PLCB2: variants seen among roughly 807,000 people sequenced by gnomAD.
PLCB2 encodes phospholipase C beta 2.
Under a neutral mutation model 141.7 loss-of-function variants are expected in PLCB2, and 115 were observed. The ratio of observed to expected loss-of-function variants is 0.81; its 90% CI spans 0.70 to 0.95. The LOEUF is 0.95. Among genes scored for constraint, PLCB2 ranks in the 40% least tolerant of loss-of-function variants. The pLI, the probability that PLCB2 is intolerant of heterozygous loss-of-function variation, is 0.00. For missense variants in PLCB2, 1,403 were observed against 1,541.1 expected, an observed-to-expected ratio of 0.91 and a Z score of 1.50; for synonymous variants, 603 against 595.6, an observed-to-expected ratio of 1.01 and a Z score of -0.18.
At chr15:40,294,885 G>A (rs1262639943) in intron 18 of PLCB2, 51 bp downstream of exon 18, 12 of 1,612,156 alleles carry the variant, frequency 7.4e-6, no homozygotes, top group Admixed American at 3.3e-5. Flanking sequence ...TGTAAAGGTG[G>A]GGGGCGCAGG....
At chr15:40,287,012 G>GGGCTCT (rs886887614), downstream of PLCB2, among the ~76,000 whole-genome samples, 1 of 152,200 alleles carries the variant, frequency 6.6e-6, no homozygotes, top group Admixed American at 6.5e-5. Flanking sequence ...GGGCTCCATT[G>GGGCTCT]GGCTCTGGCT....
chr15:40,297,913 TA>T lies in PLCB2; in HGVS notation c.1201del (p.Tyr401IlefsTer42), dbSNP rs749519681. 6.8e-6 allele frequency: 11 copies of T among 1,613,552 alleles called. No individual in the cohort carries two copies. In the East Asian group the frequency reaches 1.1e-4, roughly 16 times the overall value. On this transcript the variant is annotated frameshift_variant, in exon 12 of 32. Transcript: ENST00000260402. LOFTEE classifies it high-confidence loss of function. The surrounding 1 kb of genome is among the most constrained non-coding windows in gnomAD (Gnocchi z 4.2). ...IAESAFKTSP[Y>X]PIILSFENHV... ...GTTCTCAAACGACAGGATGATGGGA[TA>T]GGGGGAGGTCTTAAAGGCGCTTTCT...
intron 1 of PLCB2, among the ~76,000 whole-genome samples, chr15:40,306,824 A>T (rs1243380313): frequency 1.3e-5 from 2 of 152,176 alleles, no homozygotes; most frequent in Non-Finnish European, 2.9e-5. Flanking sequence ...CCCTCCCTGA[A>T]GGAGAATCTC....
chr15:40,292,529 G>C, intron 21 of PLCB2, 86 bp from the exon 22 acceptor site: 3 of 836,732 alleles, frequency 3.6e-6, no homozygotes, highest in Non-Finnish European at 5.7e-6. Context: ...AAGGGTCTGA[G>C]TCTGGCACTG....
At chr15:40,292,259 C>T (rs1286637690) in intron 22 of PLCB2, 80 bp downstream of exon 22, 1 of 1,498,540 alleles carries the variant, frequency 6.7e-7, no homozygotes, top group Non-Finnish European at 9.3e-7. Context: ...CTGGATCCCA[C>T]CCCAACTCTG....
chr15:40,290,742 G>A lies in PLCB2; in HGVS notation c.3113+19C>T. On this transcript the variant is annotated intron_variant, in intron 28 of 31. Coordinates refer to ENST00000260402, the MANE Select transcript of PLCB2 (RefSeq NM_004573.3). ...CCTTGCTGGGAGGCGAAGCAGGTGT[G>A]GGAGGGAGGCAGTCGTACTTCTCCG... is the stretch of plus-strand genomic sequence containing the variant. 6.2e-7 allele frequency: 1 copy of A among 1,612,798 alleles called. No homozygotes were observed. Among genetic ancestry groups the A allele is most frequent in the Non-Finnish European group, 8.5e-7 (1 of 1,178,954 alleles).
chr15:40,298,335 A>T lies in PLCB2; in HGVS notation c.1043T>A (p.Val348Glu). 6.2e-7 allele frequency: 1 copy of T among 1,604,420 alleles called. No individual in the cohort carries two copies. The highest frequency in any genetic ancestry group is 1.1e-5 in the South Asian group (1 of 90,136). Residue 348 changes from valine (V) to glutamate (E), a missense_variant, in exon 11 of 32, where the codon GTG becomes GAG. Physicochemically the swap from Val to Glu is moderately radical, Grantham distance 121. Transcript: ENST00000260402. ...CACGCAACGGCAGCCAGAGAGCAGCACCTGGCGGTACATCTCAGCCGAGGA... is the reference window on the plus strand; with the variant it reads ...CACGCAACGGCAGCCAGAGAGCAGCTCCTGGCGGTACATCTCAGCCGAGGA... ...GLSSAEMYRQ[V>E]LLSGCRCVEL... is the part of the protein sequence containing the mutation.
chr15:40,299,933 G>T (rs1163045513), intron 7 of PLCB2, among the ~76,000 whole-genome samples: 2 of 152,170 alleles, frequency 1.3e-5, no homozygotes, highest in African/African-American at 4.8e-5. Flanking sequence ...CAGAAAAGGT[G>T]CTCAATATAA....
intron 7 of PLCB2, chr15:40,301,171 C>G (rs1037257412): frequency 5.2e-6 from 1 of 191,934 alleles, no homozygotes; most frequent in African/African-American, 2.4e-5. Flanking sequence ...GTAAATGCTC[C>G]TCCTGGGATT....
At chr15:40,289,183 C>G in intron 31 of PLCB2, 89 bp downstream of exon 31, 3 of 1,210,974 alleles carry the variant, frequency 2.5e-6, no homozygotes, top group Non-Finnish European at 3.7e-6. Flanking sequence ...CTTCCCCTAC[C>G]CTCTCACTGG....
At chr15:40,293,765 C>T (rs1407649373) in intron 19 of PLCB2, 41 bp from the exon 20 acceptor site, 11 of 1,593,546 alleles carry the variant, frequency 6.9e-6, no homozygotes, top group Non-Finnish European at 9.4e-6. Flanking sequence ...CAAATCCCCA[C>T]CCAGGCTCTT....
intron 7 of PLCB2, among the ~76,000 whole-genome samples, chr15:40,299,563 C>A (rs1408652916): frequency 6.6e-6 from 1 of 151,986 alleles, no homozygotes; most frequent in African/African-American, 2.4e-5. Flanking sequence ...AAGTGGAGGA[C>A]AAATATTCAA....
rs10400833 is a variant in PLCB2 at position 40,291,365 on chromosome 15, G to A, written c.2770C>T (p.Leu924=). The A allele has an allele frequency of 6.6e-7, 1 of 1,526,326 alleles. No homozygotes were observed. Among genetic ancestry groups the A allele is most frequent in the Non-Finnish European group, 8.7e-7 (1 of 1,143,166 alleles). The allele number at this position is 1,526,326 out of a possible 1,614,324, so 94.5% of individuals were successfully genotyped here. A position where few individuals can be genotyped will look rare whatever the true frequency, so the allele number is the denominator to read the frequency against. The change falls in exon 26 of 32, where the codon CTG becomes TTG. Residue 924 remains leucine, a synonymous_variant. Coordinates refer to ENST00000260402, the MANE Select transcript of PLCB2 (RefSeq NM_004573.3). ...GCCAGCTGCGCCGCGCCCCGCTGCA[G>A]CAGCTCCTCCCAGCGCCGCGCTCCG... ...RRGARRWEEL[L]QRGAAQLAEL... is the part of the protein sequence containing the mutation.
At position 40,288,663 on chromosome 15, in the gene PLCB2, C is replaced by T; in HGVS notation, c.*52G>A. ...TTTTCCTGGGGGAATAGAACCACAT[C>T]CCAGAGAAGGGGCTGAACCTCCTTG... On this transcript the variant is annotated 3_prime_UTR_variant, in exon 32 of 32. Coordinates refer to ENST00000260402, the MANE Select transcript of PLCB2 (RefSeq NM_004573.3). The T allele has an allele frequency of 6.7e-7, 1 of 1,490,826 alleles. No individual in the cohort carries two copies. Among genetic ancestry groups the T allele is most frequent in the Non-Finnish European group, 9.0e-7 (1 of 1,117,162 alleles). 92.3% of individuals were successfully genotyped at this position (1,490,826 alleles called of 1,614,324 possible).
At chr15:40,300,250 G>A (rs1482907720) in intron 7 of PLCB2, among the ~76,000 whole-genome samples, 2 of 152,222 alleles carry the variant, frequency 1.3e-5, no homozygotes, top group Admixed American at 1.3e-4. Context: ...GGGAGGCAGA[G>A]GTTGCAGTGA....
At position 40,293,646 on chromosome 15, in the gene PLCB2, G is replaced by A; in HGVS notation, c.2140C>T (p.Pro714Ser). ...AGCTTAGTTCGATAGCGCCTCTTGGGGTCCCCAGGAAGGCCAAACAGCTCC... is the reference window on the plus strand; with the variant it reads ...AGCTTAGTTCGATAGCGCCTCTTGGAGTCCCCAGGAAGGCCAAACAGCTCC... ...EVELFGLPGD[P>S]KRRYRTKLSP... The change falls in exon 20 of 32, where the codon CCC becomes TCC. Residue 714 changes from proline to serine, a missense_variant. By Grantham distance (74) the Pro-to-Ser change is moderately conservative. Around this residue, in one of 4 missense-constraint regions of PLCB2, gnomAD observed 975 missense variants for 1,141.1 expected, o/e 0.85. Coordinates refer to ENST00000260402, the MANE Select transcript of PLCB2 (RefSeq NM_004573.3). 6.2e-7 allele frequency: 1 copy of A among 1,614,088 alleles called. No individual in the cohort carries two copies. Among genetic ancestry groups the A allele is most frequent in the Non-Finnish European group, 8.5e-7 (1 of 1,179,994 alleles).
chr15:40,302,825 G>A (rs527609192), intron 3 of PLCB2, among the ~76,000 whole-genome samples: 1 of 152,228 alleles, frequency 6.6e-6, no homozygotes, highest in African/African-American at 2.4e-5. Context: ...CCAAGATGGC[G>A]GGCAGGCGGG....
intron 20 of PLCB2, 107 bp from the exon 21 acceptor site, chr15:40,293,132 T>C: frequency 1.5e-6 from 1 of 679,680 alleles, no homozygotes; most frequent in Admixed American, 2.8e-5. Flanking sequence ...ATGGTGAGTG[T>C]CACCAGATTT....
intron 7 of PLCB2, chr15:40,301,635 A>G (rs2040513548): frequency 1.4e-6 from 1 of 702,894 alleles, no homozygotes; most frequent in Non-Finnish European, 2.6e-6. Flanking sequence ...CTCAGCTCCC[A>G]TTCCCAACAC....
Sources: allele counts gnomAD v4.1 joint callset (sites outside exome capture counted in the v4.1 genomes callset), GRCh38; gene constraint gnomAD v4.1.1; regional missense constraint gnomAD v4.1.1; non-coding constraint Gnocchi (gnomAD v3.1); transcripts MANE v1.5; gene names NCBI Gene and HGNC (gene_info 2026-07-23, HGNC 2026-07-21).